CNTNAP2: variants seen among roughly 807,000 people sequenced by gnomAD.
The protein encoded by CNTNAP2 is contactin-associated protein-like 2.
In CNTNAP2, 98 loss-of-function variants were observed where a neutral mutation model predicts 155.2. The observed-to-expected ratio is 0.63, with a 90% CI of 0.54 to 0.75. The LOEUF (loss-of-function observed/expected upper bound fraction) is 0.75, where lower values mean the gene tolerates loss of function less well. Among genes scored for constraint, CNTNAP2 ranks in the 30% least tolerant of loss-of-function variants. The pLI is 0.00. For synonymous variants in CNTNAP2, 651 were observed against 631.2 expected, an observed-to-expected ratio of 1.03 and a Z score of -0.47; for missense variants, 1,727 against 1,688.1, an observed-to-expected ratio of 1.02 and a Z score of -0.40.
intron 2 of CNTNAP2, among the ~76,000 whole-genome samples, chr7:146,801,402 G>C (rs924294757): frequency 6.6e-6 from 1 of 152,020 alleles, no homozygotes; most frequent in African/African-American, 2.4e-5. Flanking sequence ...CCATATCATT[G>C]ACCAAACATT....
At chr7:146,395,986 C>T (rs1411809083) in intron 1 of CNTNAP2, among the ~76,000 whole-genome samples, 2 of 151,984 alleles carry the variant, frequency 1.3e-5, no homozygotes, top group African/African-American at 4.8e-5. Context: ...ACTTACTGTA[C>T]TGTCACAAAT....
At chr7:147,263,914 C>T (rs985813713) in intron 8 of CNTNAP2, among the ~76,000 whole-genome samples, 6 of 152,126 alleles carry the variant, frequency 3.9e-5, no homozygotes, top group Non-Finnish European at 1.5e-5. Context: ...GGGGAAAGAG[C>T]ATGCATGTGT....
At chr7:148,058,741 A>G (rs1208599005) in intron 15 of CNTNAP2, among the ~76,000 whole-genome samples, 1 of 152,210 alleles carries the variant, frequency 6.6e-6, no homozygotes, top group Admixed American at 6.5e-5. Context: ...AAGAAGGAGT[A>G]CATGACCTCA....
chr7:147,919,133 A>G (rs984419541), intron 14 of CNTNAP2, among the ~76,000 whole-genome samples: 1 of 152,088 alleles, frequency 6.6e-6, no homozygotes, highest in Non-Finnish European at 1.5e-5. Flanking sequence ...CTAAGACATA[A>G]AGGCATCCTA....
intron 13 of CNTNAP2, among the ~76,000 whole-genome samples, chr7:147,884,429 CAT>C (rs770121648): frequency 6.6e-6 from 1 of 150,816 alleles, no homozygotes; most frequent in Non-Finnish European, 1.5e-5. Flanking sequence ...TAACCAAAAA[CAT>C]ATCTGAATAT....
At chr7:146,610,774 A>G (rs544935325) in intron 1 of CNTNAP2, among the ~76,000 whole-genome samples, 1 of 152,208 alleles carries the variant, frequency 6.6e-6, no homozygotes, top group Non-Finnish European at 1.5e-5. Context: ...AGTGCTAGTC[A>G]TCTGTTAGCA....
intron 10 of CNTNAP2, among the ~76,000 whole-genome samples, chr7:147,439,164 T>C (rs1412943472): frequency 6.6e-6 from 1 of 152,086 alleles, no homozygotes; most frequent in African/African-American, 2.4e-5. Flanking sequence ...TCCAGTTCTT[T>C]AAGATGCATT....
intron 1 of CNTNAP2, among the ~76,000 whole-genome samples, chr7:146,537,865 GA>G (rs1299127726): frequency 6.6e-6 from 1 of 152,088 alleles, no homozygotes; most frequent in Non-Finnish European, 1.5e-5. Context: ...AGCAGGCATA[GA>G]GGTAGGTAGA....
At chr7:146,390,052 C>T (rs1480202486) in intron 1 of CNTNAP2, among the ~76,000 whole-genome samples, 1 of 151,834 alleles carries the variant, frequency 6.6e-6, no homozygotes, top group African/African-American at 2.4e-5. Context: ...TCTGGTCTCA[C>T]CCTAAACTTG....
chr7:147,273,401 T>C (rs1804806953), intron 8 of CNTNAP2, among the ~76,000 whole-genome samples: 1 of 152,136 alleles, frequency 6.6e-6, no homozygotes, highest in African/African-American at 2.4e-5. Context: ...ATGTGCAGGC[T>C]TGTTACCTGG....
At chr7:146,227,029 A>T (rs1187467436) in intron 1 of CNTNAP2, among the ~76,000 whole-genome samples, 8 of 152,230 alleles carry the variant, frequency 5.3e-5, no homozygotes, top group Admixed American at 4.6e-4. Context: ...ACAACTATGT[A>T]TAAAATATGA....
At chr7:147,536,282 C>A (rs1562985935) in intron 11 of CNTNAP2, among the ~76,000 whole-genome samples, 1 of 152,342 alleles carries the variant, frequency 6.6e-6, no homozygotes, top group East Asian at 1.9e-4. Flanking sequence ...ATTTATTGAG[C>A]ATCTATCACG....
chr7:146,642,501 T>C (rs1000878259), intron 1 of CNTNAP2, among the ~76,000 whole-genome samples: 3 of 151,980 alleles, frequency 2.0e-5, no homozygotes, highest in Non-Finnish European at 4.4e-5. Context: ...TCATTTCTTA[T>C]GGCTGCATGG....
At chr7:147,424,684 C>T (rs1354690492) in intron 10 of CNTNAP2, among the ~76,000 whole-genome samples, 1 of 152,166 alleles carries the variant, frequency 6.6e-6, no homozygotes, top group Non-Finnish European at 1.5e-5. Context: ...AGACCTTACA[C>T]ACAACTGCCT....
intron 13 of CNTNAP2, among the ~76,000 whole-genome samples, chr7:147,849,116 C>A (rs746763607): frequency 6.6e-6 from 1 of 152,154 alleles, no homozygotes; most frequent in Non-Finnish European, 1.5e-5. Context: ...GGAAAAATGG[C>A]ATAAAACAGC....
chr7:147,010,598 A>G (rs1798605939), intron 3 of CNTNAP2, among the ~76,000 whole-genome samples: 1 of 152,194 alleles, frequency 6.6e-6, no homozygotes, highest in African/African-American at 2.4e-5. Flanking sequence ...GCATCAAACT[A>G]TGTAGTGATA....
At chr7:148,104,425 T>A (rs1255011285) in intron 15 of CNTNAP2, among the ~76,000 whole-genome samples, 1 of 152,156 alleles carries the variant, frequency 6.6e-6, no homozygotes, top group Non-Finnish European at 1.5e-5. Context: ...AACCTGTTTT[T>A]CTATGGATGT....
At chr7:147,124,893 T>C (rs1189678414) in intron 6 of CNTNAP2, among the ~76,000 whole-genome samples, 1 of 145,618 alleles carries the variant, frequency 6.9e-6, no homozygotes, top group African/African-American at 2.6e-5. Context: ...TTTTTTTTTT[T>C]TTTTTTGAGA....
intron 1 of CNTNAP2, among the ~76,000 whole-genome samples, chr7:146,642,117 T>A (rs1799718518): frequency 6.6e-6 from 1 of 151,972 alleles, no homozygotes; most frequent in Non-Finnish European, 1.5e-5. Context: ...TTTTGTTTTG[T>A]TTTGTTTTGG....
Sources: gnomAD v4.1 joint callset for allele counts (sites outside exome capture counted in the v4.1 genomes callset) on GRCh38, gnomAD v4.1.1 for gene constraint, MANE v1.5 for transcripts, NCBI Gene and HGNC (gene_info 2026-07-23, HGNC 2026-07-21) for gene names.